XKR6: variants seen among roughly 807,000 people sequenced by gnomAD.
The protein encoded by XKR6 is XK-related protein 6.
In XKR6, 22 loss-of-function variants were observed where a neutral mutation model predicts 56.7. The ratio of observed to expected loss-of-function variants is 0.39; its 90% CI spans 0.28 to 0.55. The LOEUF (loss-of-function observed/expected upper bound fraction) is 0.55, where lower values mean the gene tolerates loss of function less well. Among genes scored for constraint, XKR6 ranks in the 20% least tolerant of loss-of-function variants. The pLI, the probability that XKR6 is intolerant of heterozygous loss-of-function variation, is 0.66. For synonymous variants in XKR6, 524 were observed against 387.8 expected (o/e 1.35, Z -4.13); for missense variants, 852 against 889.0 (o/e 0.96, Z 0.53).
intron 1 of XKR6, among the ~76,000 whole-genome samples, chr8:11,064,204 T>C (rs1403930311): frequency 6.6e-6 from 1 of 152,142 alleles, no homozygotes; most frequent in Admixed American, 6.5e-5. Flanking sequence ...TTCCCAGTGC[T>C]CCAAACACAA....
At chr8:11,009,714 C>A (rs1012587568) in intron 1 of XKR6, among the ~76,000 whole-genome samples, 4 of 152,152 alleles carry the variant, frequency 2.6e-5, no homozygotes, top group African/African-American at 4.8e-5. Context: ...GACATGATGG[C>A]ATCCTGGAAG....
intron 1 of XKR6, among the ~76,000 whole-genome samples, chr8:11,172,036 G>A (rs140798967): frequency 6.7e-6 from 1 of 149,510 alleles, no homozygotes; most frequent in Non-Finnish European, 1.5e-5. Context: ...TTGGGTGACA[G>A]AGCAAGATCC....
At chr8:11,185,045 A>C (rs1292135310) in intron 1 of XKR6, among the ~76,000 whole-genome samples, 1 of 152,160 alleles carries the variant, frequency 6.6e-6, no homozygotes, top group African/African-American at 2.4e-5. Context: ...TTCCTCCCAG[A>C]CAAAGCTGGG....
chr8:11,150,031 G>A (rs1400275620), intron 1 of XKR6, among the ~76,000 whole-genome samples: 1 of 152,180 alleles, frequency 6.6e-6, no homozygotes, highest in Non-Finnish European at 1.5e-5. Flanking sequence ...TGATCTCATG[G>A]AGGTAGAGAG....
At chr8:10,960,846 G>C (rs1792285886) in intron 1 of XKR6, among the ~76,000 whole-genome samples, 1 of 152,202 alleles carries the variant, frequency 6.6e-6, no homozygotes, top group Non-Finnish European at 1.5e-5. Context: ...CTAGGAGCTT[G>C]GGAGATCGCT....
At chr8:11,147,682 G>A (rs1801057728) in intron 1 of XKR6, among the ~76,000 whole-genome samples, 2 of 151,428 alleles carry the variant, frequency 1.3e-5, no homozygotes, top group Non-Finnish European at 2.9e-5. Context: ...CTATATGGAT[G>A]GCAAATAAGC....
At chr8:11,084,513 T>G (rs1294759134) in intron 1 of XKR6, among the ~76,000 whole-genome samples, 1 of 152,216 alleles carries the variant, frequency 6.6e-6, no homozygotes, top group East Asian at 1.9e-4. Context: ...AAGAAAATAT[T>G]TATTCAGAAA....
At chr8:10,901,333 G>C (rs1218607637) in intron 2 of XKR6, among the ~76,000 whole-genome samples, 1 of 152,144 alleles carries the variant, frequency 6.6e-6, no homozygotes, top group Non-Finnish European at 1.5e-5. Flanking sequence ...TGGAATTACA[G>C]GCATGAGCCA....
chr8:11,070,168 A>AGTCTTTCAT (rs764219143), intron 1 of XKR6, among the ~76,000 whole-genome samples: 4 of 152,204 alleles, frequency 2.6e-5, no homozygotes, highest in East Asian at 3.9e-4. Flanking sequence ...GGAGGACAAG[A>AGTCTTTCAT]GTCTTTCATC....
intron 1 of XKR6, among the ~76,000 whole-genome samples, chr8:11,159,652 G>A (rs541289884): frequency 6.6e-6 from 1 of 152,344 alleles, no homozygotes; most frequent in African/African-American, 2.4e-5. Context: ...CTGGCAATCT[G>A]TGTTTTGATA....
chr8:11,179,714 T>C (rs1802867288), intron 1 of XKR6, among the ~76,000 whole-genome samples: 1 of 152,184 alleles, frequency 6.6e-6, no homozygotes, highest in African/African-American at 2.4e-5. Context: ...TTCACACTGT[T>C]TGTTCACCCA....
intron 1 of XKR6, among the ~76,000 whole-genome samples, chr8:11,051,027 T>G (rs577891753): frequency 1.3e-5 from 2 of 152,306 alleles, no homozygotes; most frequent in South Asian, 4.1e-4. Context: ...CTACCAGTAT[T>G]GACTAGCAGC....
At chr8:11,042,648 C>T (rs929457949) in intron 1 of XKR6, among the ~76,000 whole-genome samples, 7 of 152,262 alleles carry the variant, frequency 4.6e-5, no homozygotes, top group Non-Finnish European at 8.8e-5. Context: ...ATTAGTACAA[C>T]ATCCCAAATC....
intron 1 of XKR6, among the ~76,000 whole-genome samples, chr8:11,067,322 C>G (rs949368675): frequency 6.6e-6 from 1 of 152,132 alleles, no homozygotes; most frequent in Non-Finnish European, 1.5e-5. Flanking sequence ...CCTTGCCTCC[C>G]GGACACCTGG....
rs147204637 is a variant in XKR6, at chr8:11,108,747, C to G, written c.764+91829G>C. On this transcript the variant is annotated intron_variant, in intron 1 of 2. Transcript: ENST00000416569. ...AATCAACCACAGATGGGCGCGAGAACAGAGTCAGATCACCGGCCAAGGTAA... is the reference window on the plus strand; with the variant it reads ...AATCAACCACAGATGGGCGCGAGAAGAGAGTCAGATCACCGGCCAAGGTAA... The G allele has an allele frequency of 1.5e-3, 284 of 188,958 alleles. 1 individual carries two copies. Among genetic ancestry groups the G allele is most frequent in the South Asian group, 1.6e-3 (15 of 9,174 alleles). The allele number at this position is 188,958 out of a possible 1,614,324, so 11.7% of individuals were successfully genotyped here. A position where few individuals can be genotyped will look rare whatever the true frequency, so the allele number is the denominator to read the frequency against.
chr8:11,064,746 A>C (rs542480969), intron 1 of XKR6, among the ~76,000 whole-genome samples: 1 of 152,224 alleles, frequency 6.6e-6, no homozygotes, highest in Non-Finnish European at 1.5e-5. Context: ...TAATAAAAAT[A>C]ACTTGTAACG....
At chr8:10,956,909 CT>C (rs1229601330) in intron 1 of XKR6, among the ~76,000 whole-genome samples, 1 of 152,162 alleles carries the variant, frequency 6.6e-6, no homozygotes, top group African/African-American at 2.4e-5. Context: ...ACCCTGGCAC[CT>C]TGCTTTTCTT....
At position 11,025,883 on chromosome 8, in the gene XKR6, A is replaced by C. The variant is rs1459725290; in HGVS notation, c.765-101053T>G. ...CACCAGGCACACGTGGCTACTGAGCACTTGAAATGTGGCTGGTCCAAACTG... is the reference window on the plus strand; with the variant it reads ...CACCAGGCACACGTGGCTACTGAGCCCTTGAAATGTGGCTGGTCCAAACTG... On this transcript the variant is annotated intron_variant, in intron 1 of 2. Transcript: ENST00000416569. Among the ~76,000 whole-genome samples, 7 of 152,300 alleles carry C rather than the reference A, an allele frequency of 4.6e-5. 1 individual carries two copies. The highest frequency in any genetic ancestry group is 1.4e-4 in the African/African-American group (6 of 41,556).
intron 1 of XKR6, among the ~76,000 whole-genome samples, chr8:11,181,460 T>C (rs1479467491): frequency 2.6e-5 from 4 of 152,250 alleles, no homozygotes; most frequent in African/African-American, 4.8e-5. Context: ...AAAGTGACTA[T>C]AGTTTTCTTC....
Sources: allele counts gnomAD v4.1 joint callset (sites outside exome capture counted in the v4.1 genomes callset), GRCh38; gene constraint gnomAD v4.1.1; transcripts MANE v1.5; gene names NCBI Gene and HGNC (gene_info 2026-07-23, HGNC 2026-07-21).